RNASEH2A: variants seen among roughly 807,000 people sequenced by gnomAD.
The protein encoded by RNASEH2A is ribonuclease H2 subunit A.
RNASEH2A carries 30 observed loss-of-function variants against 32.7 expected under a neutral mutation model. That is an observed-to-expected ratio of 0.92 (90% CI 0.69 to 1.25). RNASEH2A has a LOEUF of 1.25. Ranked by LOEUF, RNASEH2A falls within the 50% of genes most tolerant of loss-of-function variation. The pLI, the probability that RNASEH2A is intolerant of heterozygous loss-of-function variation, is 0.00. For missense variants in RNASEH2A, 409 were observed against 398.1 expected (o/e 1.03, Z -0.23); for synonymous variants, 147 against 165.4 (o/e 0.89, Z 0.86).
Position 12,807,311 on chromosome 19 carries a change from C to A in RNASEH2A, c.305C>A (p.Ser102Tyr). 1 of 1,614,218 alleles carries A rather than the reference C, an allele frequency of 6.2e-7. No homozygotes were observed. Among genetic ancestry groups the A allele is most frequent in the East Asian group, 2.2e-5 (1 of 44,878 alleles). ...GATGTGCTGTCTCCAAACCTCATCT[C>A]TACCAGCATGCTTGGGCGGTGAGGG... ...ALDVLSPNLI[S>Y]TSMLGRVKYN... Residue 102 changes from serine to tyrosine, a missense_variant, in exon 3 of 8, where the codon TCT becomes TAT. Coordinates refer to ENST00000221486, the MANE Select transcript of RNASEH2A (RefSeq NM_006397.3).
At position 12,810,295 on chromosome 19, in the gene RNASEH2A, C is replaced by T. The variant is rs762183837; in HGVS notation, c.550-22C>T. 3.7e-6 allele frequency: 6 copies of T among 1,613,970 alleles called. No individual in the cohort carries two copies. The East Asian group carries it at 8.9e-5, about 24-fold the overall frequency. On this transcript the variant is annotated intron_variant, in intron 5 of 7. Transcript: ENST00000221486. ...CCACCAAAGGGAAGGAGGGAGATTC[C>T]AGGTGCCTGTTTTGCCCACAGGTGG...
chr19:12,809,336 C>G (rs962270368), intron 4 of RNASEH2A, among the ~76,000 whole-genome samples: 4 of 152,222 alleles, frequency 2.6e-5, no homozygotes, highest in African/African-American at 9.6e-5. Flanking sequence ...TGGACCCTCT[C>G]TTCGGTGCTG....
chr19:12,809,141 G>A (rs940587181), intron 4 of RNASEH2A, among the ~76,000 whole-genome samples: 7 of 152,140 alleles, frequency 4.6e-5, no homozygotes, highest in Non-Finnish European at 1.0e-4. Context: ...TTGGGAGGCC[G>A]AGGCGGGCGG....
intron 1 of RNASEH2A, 95 bp downstream of exon 1, chr19:12,806,895 C>A: frequency 6.3e-7 from 1 of 1,595,024 alleles, no homozygotes; most frequent in Non-Finnish European, 8.6e-7. Context: ...GGGATGTGGT[C>A]GTGGTGATGG....
Position 12,807,337 on chromosome 19 carries a change from G to A in RNASEH2A, c.323+8G>A. The A allele has an allele frequency of 3.1e-6, 5 of 1,614,164 alleles. No individual in the cohort carries two copies. Among genetic ancestry groups the A allele is most frequent in the Non-Finnish European group, 4.2e-6 (5 of 1,180,032 alleles). On this transcript the variant is annotated splice_region_variant and intron_variant, in intron 3 of 7. Coordinates refer to ENST00000221486, the MANE Select transcript of RNASEH2A (RefSeq NM_006397.3). Reference sequence around the variant, plus strand: ...TACCAGCATGCTTGGGCGGTGAGGGGTCCCCGGGAGGGGCAGCCAGCATGG... The same window carrying A: ...TACCAGCATGCTTGGGCGGTGAGGGATCCCCGGGAGGGGCAGCCAGCATGG...
chr19:12,807,507 G>C lies in RNASEH2A; in HGVS notation c.411+1G>C. The C allele has an allele frequency of 6.2e-7, 1 of 1,613,222 alleles. No homozygotes were observed. Among genetic ancestry groups the C allele is most frequent in the Non-Finnish European group, 8.5e-7 (1 of 1,179,156 alleles). ...GGACCAGGGCGTGAACGTCACCCAG[G>C]TGAGTTAACTGTAAGTTGTCCCCAT... On this transcript the variant is annotated splice_donor_variant, in intron 4 of 7. Coordinates refer to ENST00000221486, the MANE Select transcript of RNASEH2A (RefSeq NM_006397.3). LOFTEE classifies it high-confidence loss of function.
At chr19:12,812,451 G>C (rs898225443) in intron 6 of RNASEH2A, among the ~76,000 whole-genome samples, 2 of 151,754 alleles carry the variant, frequency 1.3e-5, no homozygotes, top group Non-Finnish European at 2.9e-5. Context: ...AGAATCGCTT[G>C]AACCTGGGAG....
At chr19:12,812,927 T>A (rs1374876518) in intron 6 of RNASEH2A, among the ~76,000 whole-genome samples, 156 bp from the exon 7 acceptor site, 1 of 150,894 alleles carries the variant, frequency 6.6e-6, no homozygotes, top group Non-Finnish European at 1.5e-5. Flanking sequence ...ATCGCTTGAA[T>A]CCGGGAGGTG....
At chr19:12,810,460 T>G (rs1337564912) in intron 6 of RNASEH2A, 56 bp downstream of exon 6, 5 of 1,368,576 alleles carry the variant, frequency 3.7e-6, no homozygotes, top group Non-Finnish European at 4.2e-6. Flanking sequence ...CTGAGCACAC[T>G]TCTGAGGTTT....
At chr19:12,808,659 T>C (rs1029016279) in intron 4 of RNASEH2A, among the ~76,000 whole-genome samples, 1 of 152,160 alleles carries the variant, frequency 6.6e-6, no homozygotes, top group Non-Finnish European at 1.5e-5. Flanking sequence ...GGAAATTAAA[T>C]CAGGAAAATT....
Position 12,806,783 on chromosome 19 carries a change from G to A in RNASEH2A, c.110G>A (p.Gly37Asp), listed in dbSNP as rs11554405. 6.3e-6 allele frequency: 10 copies of A among 1,577,268 alleles called. No individual in the cohort carries two copies. Among genetic ancestry groups the A allele is most frequent in the South Asian group, 1.2e-5 (1 of 86,506 alleles). The change falls in exon 1 of 8, where the codon GGC (glycine) becomes GAC (aspartate). Residue 37 changes from glycine to aspartate, a missense_variant. Coordinates refer to ENST00000221486, the MANE Select transcript of RNASEH2A (RefSeq NM_006397.3). ...EPCVLGVDEA[G>D]RGPVLGPMVY... ...TGCGTCCTGGGCGTCGATGAGGCGG[G>A]CAGGGGCCCCGTGCTGGGTGCGCCC...
chr19:12,811,789 C>T (rs985145085), intron 6 of RNASEH2A, among the ~76,000 whole-genome samples: 2 of 151,662 alleles, frequency 1.3e-5, no homozygotes, highest in Admixed American at 6.6e-5. Context: ...TGGTGGCACA[C>T]GCCCGTAATC....
intron 4 of RNASEH2A, among the ~76,000 whole-genome samples, chr19:12,809,014 C>G (rs952490680): frequency 1.3e-5 from 2 of 152,058 alleles, no homozygotes; most frequent in African/African-American, 4.8e-5. Flanking sequence ...GCTGGCGATA[C>G]AGTAACTGGT....
At chr19:12,807,106 A>G (rs1969004638) in intron 2 of RNASEH2A, 27 bp downstream of exon 2, 1 of 1,614,096 alleles carries the variant, frequency 6.2e-7, no homozygotes, top group Non-Finnish European at 8.5e-7. Flanking sequence ...CGTCTGGGGA[A>G]GGGATTCCTG....
At chr19:12,808,064 A>G (rs1773824373) in intron 4 of RNASEH2A, 2 of 172,410 alleles carry the variant, frequency 1.2e-5, no homozygotes, top group African/African-American at 4.8e-5. Context: ...CATCCTGGCC[A>G]ACATGGTGAA....
rs1969015111 is a variant in RNASEH2A, at chr19:12,807,679, C to G, written c.411+173C>G. ...GGGCGCAGTGGCTCACGCCTATAAT[C>G]GCAGCACTTTGGGAAGCCGCGGCGG... On this transcript the variant is annotated intron_variant, in intron 4 of 7. Transcript: ENST00000221486. 4 of 680,644 alleles carry G rather than the reference C, an allele frequency of 5.9e-6. No homozygotes were observed. In the South Asian group the frequency reaches 6.5e-5, roughly 11 times the overall value. 42.2% of individuals were successfully genotyped at this position (680,644 alleles called of 1,614,324 possible). A position where few individuals can be genotyped will look rare whatever the true frequency, so the allele number is the denominator to read the frequency against.
chr19:12,811,244 G>A (rs971382189), intron 6 of RNASEH2A, among the ~76,000 whole-genome samples: 21 of 152,126 alleles, frequency 1.4e-4, no homozygotes, highest in Admixed American at 6.6e-5. Flanking sequence ...TGTCTTCCCC[G>A]CTTCCCACTT....
In RNASEH2A at chr19:12,808,529, CCTG is replaced by C. The variant is rs1368729199; in HGVS notation, c.411+1027_411+1029del. On this transcript the variant is annotated intron_variant, in intron 4 of 7. Coordinates refer to ENST00000221486, the MANE Select transcript of RNASEH2A (RefSeq NM_006397.3). ...CAGGACACCCCCCACTCCCTGGACA[CCTG>C]CTGAGTGTCGTCTCTCGTCCCTCAC... Among the ~76,000 whole-genome samples the C allele has an allele frequency of 6.6e-5, 10 of 152,180 alleles. 1 individual carries two copies. Among genetic ancestry groups the C allele is most frequent in the Admixed American group, 3.9e-4 (6 of 15,246 alleles).
chr19:12,813,484 T>A lies in RNASEH2A; in HGVS notation c.*18T>A. 6.2e-7 allele frequency: 1 copy of A among 1,611,668 alleles called. No individual in the cohort carries two copies. Among genetic ancestry groups the A allele is most frequent in the Non-Finnish European group, 8.5e-7 (1 of 1,179,988 alleles). On this transcript the variant is annotated 3_prime_UTR_variant, in exon 8 of 8. Coordinates refer to ENST00000221486, the MANE Select transcript of RNASEH2A (RefSeq NM_006397.3). ...GCCTCTAGCAGCTGCCTCTACGCGC[T>A]CTACCTGCTTCCCCAACCCAGACAT...
Sources: allele counts gnomAD v4.1 joint callset (sites outside exome capture counted in the v4.1 genomes callset), GRCh38; gene constraint gnomAD v4.1.1; transcripts MANE v1.5; gene names NCBI Gene and HGNC (gene_info 2026-07-23, HGNC 2026-07-21).